Variants in PIKFYVE observed in about 807,000 individuals in gnomAD.
The protein encoded by PIKFYVE is 1-phosphatidylinositol 3-phosphate 5-kinase.
Under a neutral mutation model 257.9 loss-of-function variants are expected in PIKFYVE, and 122 were observed. The observed-to-expected ratio is 0.47, with a 90% CI of 0.41 to 0.55. The LOEUF (loss-of-function observed/expected upper bound fraction) is 0.55. Among genes scored for constraint, PIKFYVE ranks in the 20% least tolerant of loss-of-function variants. The probability of loss-of-function intolerance (pLI) is 0.00; values close to 1 mark genes in which losing one functional copy is unlikely to be tolerated. For synonymous variants in PIKFYVE, 892 were observed against 868.9 expected (o/e 1.03, Z -0.47); for missense variants, 2,160 against 2,536.6 (o/e 0.85, Z 3.19).
chr2:208,312,127 A>G (rs571977670), intron 12 of PIKFYVE, 109 bp from the exon 13 acceptor site: 2 of 830,556 alleles, frequency 2.4e-6, no homozygotes, highest in South Asian at 1.4e-5. Flanking sequence ...TGGGTTTAGT[A>G]TGAGTAATAT....
intron 20 of PIKFYVE, among the ~76,000 whole-genome samples, 190 bp from the exon 21 acceptor site, chr2:208,327,990 A>G (rs1697127104): frequency 1.3e-5 from 2 of 152,122 alleles, no homozygotes; most frequent in South Asian, 2.1e-4. Context: ...TTTAATTGAA[A>G]CTTTTTGGGT....
chr2:208,274,197 C>A, intron 3 of PIKFYVE: 1 of 874,930 alleles, frequency 1.1e-6, no homozygotes, highest in Non-Finnish European at 1.8e-6. Context: ...TGTTGGGGTG[C>A]AAACTGTCAG....
intron 33 of PIKFYVE, 118 bp from the exon 34 acceptor site, chr2:208,345,932 G>A (rs1699182526): frequency 8.5e-6 from 6 of 703,298 alleles, no homozygotes; most frequent in Non-Finnish European, 1.5e-5. Context: ...TTTTGATATT[G>A]TAGGTGGGCT....
rs1185726438 is a variant in PIKFYVE, at chr2:208,320,243, T to G, written c.2083-9T>G. 6.2e-7 allele frequency: 1 copy of G among 1,610,104 alleles called. No individual in the cohort carries two copies. The highest frequency in any genetic ancestry group is 1.7e-5 in the Admixed American group (1 of 59,810). On this transcript the variant is annotated splice_polypyrimidine_tract_variant and intron_variant, in intron 16 of 41. Transcript: ENST00000264380. ...TTAAACACTTTAACAAACTGTTCAT[T>G]TTTTGTAGATGAGTTCTTGTATTAA...
At chr2:208,326,667 A>G (rs1453241104) in intron 20 of PIKFYVE, among the ~76,000 whole-genome samples, 1 of 152,218 alleles carries the variant, frequency 6.6e-6, no homozygotes, top group Non-Finnish European at 1.5e-5. Flanking sequence ...ATAATAAGCT[A>G]GGAAGATCCC....
At chr2:208,343,484 G>A (rs765694448) in intron 32 of PIKFYVE, among the ~76,000 whole-genome samples, 2 of 152,122 alleles carry the variant, frequency 1.3e-5, no homozygotes, top group Non-Finnish European at 2.9e-5. Context: ...GTTTTTTCCT[G>A]TACATACATA....
chr2:208,302,090 T>G, intron 9 of PIKFYVE, 152 bp from the exon 10 acceptor site: 3 of 672,108 alleles, frequency 4.5e-6, no homozygotes, highest in Non-Finnish European at 7.9e-6. Flanking sequence ...TTGCTTTAAC[T>G]CTCTCGTTTC....
At chr2:208,285,387 G>T (rs1297894593) in intron 5 of PIKFYVE, among the ~76,000 whole-genome samples, 1 of 152,050 alleles carries the variant, frequency 6.6e-6, no homozygotes, top group Non-Finnish European at 1.5e-5. Context: ...GAGCCACCAC[G>T]TCTGGCCTGG....
At chr2:208,351,533 C>G in intron 38 of PIKFYVE, 78 bp downstream of exon 38, 1 of 1,167,734 alleles carries the variant, frequency 8.6e-7, no homozygotes, top group South Asian at 1.2e-5. Context: ...TTAGTCTATT[C>G]TTGTGTTGCT....
chr2:208,276,422 C>T (rs550506040), intron 3 of PIKFYVE, among the ~76,000 whole-genome samples: 1 of 152,092 alleles, frequency 6.6e-6, no homozygotes, highest in African/African-American at 2.4e-5. Context: ...GAATTTTGGA[C>T]CATTTAAGTG....
intron 32 of PIKFYVE, among the ~76,000 whole-genome samples, chr2:208,344,087 G>T (rs1233428535): frequency 6.6e-6 from 1 of 151,716 alleles, no homozygotes; most frequent in African/African-American, 2.4e-5. Flanking sequence ...CAAAGTGCCG[G>T]GCTTACAGGC....
chr2:208,273,022 A>G (rs1689640720), intron 2 of PIKFYVE, among the ~76,000 whole-genome samples: 2 of 152,174 alleles, frequency 1.3e-5, no homozygotes, highest in South Asian at 4.1e-4. Flanking sequence ...CTAGGATCCC[A>G]TTTGTCATAC....
intron 16 of PIKFYVE, among the ~76,000 whole-genome samples, chr2:208,319,085 A>G (rs373876818): frequency 2.6e-5 from 4 of 152,212 alleles, no homozygotes; most frequent in African/African-American, 9.6e-5. Context: ...CAGCGGAAAC[A>G]TTCAAAACAG....
At chr2:208,314,994 T>C (rs548426886) in intron 14 of PIKFYVE, among the ~76,000 whole-genome samples, 199 bp from the exon 15 acceptor site, 1 of 152,312 alleles carries the variant, frequency 6.6e-6, no homozygotes, top group South Asian at 2.1e-4. Context: ...GACTTCTTAG[T>C]GGAAGATATT....
intron 11 of PIKFYVE, 133 bp downstream of exon 11, chr2:208,304,451 C>T: frequency 8.3e-7 from 1 of 1,204,682 alleles, no homozygotes; most frequent in Non-Finnish European, 1.2e-6. Context: ...CATCTGATAG[C>T]AGTCTTTGTC....
chr2:208,305,283 C>CATA (rs1392719974), intron 12 of PIKFYVE: 42 of 1,316,934 alleles, frequency 3.2e-5, no homozygotes, highest in Non-Finnish European at 4.1e-5. Context: ...CTGCTCTTCC[C>CATA]ATAATGTGCA....
chr2:208,354,140 G>A lies in PIKFYVE; in HGVS notation c.6087G>A (p.Glu2029=). The change falls in exon 40 of 42, where the codon GAG becomes GAA. Residue 2029 remains glutamate, a synonymous_variant. Coordinates refer to ENST00000264380, the MANE Select transcript of PIKFYVE (RefSeq NM_015040.4). ...LLVGRDDTSN[E]LVVGIIDYIR... ...TTGGGCGAGATGATACTAGCAATGA[G>A]CTAGTAGTTGGAATTATAGGTAAGT... 1 of 1,613,470 alleles carries A rather than the reference G, an allele frequency of 6.2e-7. No individual in the cohort carries two copies. Among genetic ancestry groups the A allele is most frequent in the Admixed American group, 1.7e-5 (1 of 60,022 alleles).
chr2:208,309,264 G>A (rs1694696519), intron 12 of PIKFYVE, among the ~76,000 whole-genome samples: 1 of 152,030 alleles, frequency 6.6e-6, no homozygotes, highest in Non-Finnish European at 1.5e-5. Context: ...ATTTTCTCAA[G>A]CAATAGATTG....
At chr2:208,297,997 T>G (rs1693195038) in intron 7 of PIKFYVE, among the ~76,000 whole-genome samples, 1 of 152,194 alleles carries the variant, frequency 6.6e-6, no homozygotes, top group South Asian at 2.1e-4. Context: ...AGGACAATAT[T>G]TTAAATATAG....
Sources: allele counts gnomAD v4.1 joint callset (sites outside exome capture counted in the v4.1 genomes callset), GRCh38; gene constraint gnomAD v4.1.1; transcripts MANE v1.5; gene names NCBI Gene and HGNC (gene_info 2026-07-23, HGNC 2026-07-21).